The following PRDM16 variants were observed in gnomAD, a reference collection of about 807,000 sequenced individuals.
PRDM16 encodes the protein histone-lysine N-methyltransferase PRDM16.
A neutral mutation model predicts 110.6 loss-of-function variants in PRDM16; 23 were observed. The observed-to-expected ratio is 0.21, with a 90% confidence interval of 0.15 to 0.29. PRDM16 has a LOEUF of 0.29. Among genes scored for constraint, PRDM16 ranks in the 10% least tolerant of loss-of-function variants. The pLI, the probability that PRDM16 is intolerant of heterozygous loss-of-function variation, is 1.00. For synonymous variants in PRDM16, 799 were observed against 781.8 expected, an observed-to-expected ratio of 1.02 and a Z score of -0.37; for missense variants, 1,615 against 1,794.3, an observed-to-expected ratio of 0.90 and a Z score of 1.81.
At chr1:3,369,222 A>G (rs1194197939) in intron 3 of PRDM16, among the ~76,000 whole-genome samples, 1 of 152,208 alleles carries the variant, frequency 6.6e-6, no homozygotes, top group African/African-American at 2.4e-5. Context: ...TCCATTTGTC[A>G]TTCAAAACTG....
intron 1 of PRDM16, among the ~76,000 whole-genome samples, chr1:3,085,291 C>T (rs964480937): frequency 2.0e-5 from 3 of 152,324 alleles, no homozygotes; most frequent in East Asian, 1.9e-4. Flanking sequence ...TGGTGGCCTT[C>T]GCTTGCTGGG....
chr1:3,134,906 C>T (rs936079712), intron 1 of PRDM16, among the ~76,000 whole-genome samples: 1 of 152,182 alleles, frequency 6.6e-6, no homozygotes, highest in South Asian at 2.1e-4. Flanking sequence ...GCGAGGGGAT[C>T]GGGCCGGGTA....
intron 3 of PRDM16, among the ~76,000 whole-genome samples, chr1:3,341,657 T>C (rs1642274997): frequency 6.6e-6 from 1 of 152,224 alleles, no homozygotes; most frequent in African/African-American, 2.4e-5. Flanking sequence ...ATCATAATAA[T>C]TCAATAGAAA....
chr1:3,078,467 C>T (rs1302500401), intron 1 of PRDM16, among the ~76,000 whole-genome samples: 6 of 152,220 alleles, frequency 3.9e-5, no homozygotes, highest in East Asian at 3.9e-4. Flanking sequence ...CAACCCCCGC[C>T]GCTCTAGACA....
intron 14 of PRDM16, among the ~76,000 whole-genome samples, chr1:3,427,446 A>G (rs1017200434): frequency 1.3e-5 from 2 of 152,102 alleles, no homozygotes; most frequent in African/African-American, 2.4e-5. Context: ...AAGGCTCTGT[A>G]CCCACAGGGC....
chr1:3,404,714 G>A (rs370338185), intron 6 of PRDM16, 25 bp from the exon 7 acceptor site: 26 of 1,611,334 alleles, frequency 1.6e-5, no homozygotes, highest in African/African-American at 1.2e-4. Context: ...GTCGGGCCCC[G>A]CAGTGAGCCT....
chr1:3,241,300 C>T (rs1639669223), intron 2 of PRDM16, among the ~76,000 whole-genome samples: 1 of 152,244 alleles, frequency 6.6e-6, no homozygotes, highest in Non-Finnish European at 1.5e-5. Flanking sequence ...TGGGGGGGCT[C>T]TGCCTCTGTG....
chr1:3,318,139 C>G (rs1322200298), intron 3 of PRDM16, among the ~76,000 whole-genome samples: 1 of 151,368 alleles, frequency 6.6e-6, no homozygotes, highest in Non-Finnish European at 1.5e-5. Flanking sequence ...CAGTTTTTTA[C>G]TGCAAGTTTT....
At chr1:3,220,943 A>G (rs1639137202) in intron 2 of PRDM16, among the ~76,000 whole-genome samples, 2 of 152,346 alleles carry the variant, frequency 1.3e-5, no homozygotes, top group Middle Eastern at 3.4e-3. Flanking sequence ...GCCCTTTGAC[A>G]CATGGTGATT....
chr1:3,091,457 C>G (rs1015181528), intron 1 of PRDM16, among the ~76,000 whole-genome samples: 1 of 152,220 alleles, frequency 6.6e-6, no homozygotes, highest in Non-Finnish European at 1.5e-5. Flanking sequence ...GGACTCAGAT[C>G]CAGGGGGAGT....
At chr1:3,330,768 G>A (rs753064689) in intron 3 of PRDM16, among the ~76,000 whole-genome samples, 16 of 152,324 alleles carry the variant, frequency 1.1e-4, no homozygotes, top group African/African-American at 2.2e-4. Context: ...CCTCCTAAGC[G>A]AGGGCGAGTC....
chr1:3,401,780 T>G (rs1461332923), intron 5 of PRDM16, among the ~76,000 whole-genome samples: 1 of 152,194 alleles, frequency 6.6e-6, no homozygotes, highest in African/African-American at 2.4e-5. Flanking sequence ...CATTCACACA[T>G]GCAAAGTATG....
chr1:3,184,450 TC>T (rs1210828853), intron 1 of PRDM16, among the ~76,000 whole-genome samples: 1 of 152,000 alleles, frequency 6.6e-6, no homozygotes, highest in Non-Finnish European at 1.5e-5. Flanking sequence ...CTTTCACGGG[TC>T]CTCGAGGCAG....
At chr1:3,163,397 T>C (rs1300205396) in intron 1 of PRDM16, among the ~76,000 whole-genome samples, 1 of 152,160 alleles carries the variant, frequency 6.6e-6, no homozygotes, top group Non-Finnish European at 1.5e-5. Context: ...CAGATTCAGG[T>C]GGAGGACACA....
chr1:3,156,906 G>A (rs1054465162), intron 1 of PRDM16, among the ~76,000 whole-genome samples: 3 of 152,240 alleles, frequency 2.0e-5, no homozygotes, highest in Non-Finnish European at 2.9e-5. Context: ...GCTCTGGGGC[G>A]GCCTCCAGCT....
At chr1:3,338,785 TC>T (rs1642212905) in intron 3 of PRDM16, among the ~76,000 whole-genome samples, 1 of 152,066 alleles carries the variant, frequency 6.6e-6, no homozygotes, top group South Asian at 2.1e-4. Flanking sequence ...CAGGCCAGGG[TC>T]CTCTCTGGGC....
intron 1 of PRDM16, among the ~76,000 whole-genome samples, chr1:3,096,877 G>A (rs952110668): frequency 1.1e-4 from 17 of 152,186 alleles, no homozygotes; most frequent in Non-Finnish European, 1.6e-4. Flanking sequence ...AGACAGCTCC[G>A]TGGTTTCTAG....
intron 15 of PRDM16, among the ~76,000 whole-genome samples, chr1:3,431,583 C>T (rs550418848): frequency 1.3e-5 from 2 of 152,344 alleles, no homozygotes; most frequent in East Asian, 1.9e-4. Flanking sequence ...GGAGGCCCTT[C>T]GGAGGTGGCA....
At chr1:3,072,872 A>T (rs1221887594) in intron 1 of PRDM16, among the ~76,000 whole-genome samples, 4 of 152,218 alleles carry the variant, frequency 2.6e-5, no homozygotes, top group Non-Finnish European at 5.9e-5. Context: ...ACTGTGTGTC[A>T]CCCACAGGCC....
Sources: allele counts gnomAD v4.1 joint callset (sites outside exome capture counted in the v4.1 genomes callset), GRCh38; gene constraint gnomAD v4.1.1; transcripts MANE v1.5; gene names NCBI Gene and HGNC (gene_info 2026-07-23, HGNC 2026-07-21).